ARHGAP42: variants seen among roughly 807,000 people sequenced by gnomAD.
ARHGAP42 encodes Rho GTPase activating protein 42, also known as rho GTPase-activating protein 42.
Under a neutral mutation model 125.0 loss-of-function variants are expected in ARHGAP42, and 63 were observed. That is an observed-to-expected ratio of 0.50 (90% CI 0.41 to 0.62). The LOEUF (loss-of-function observed/expected upper bound fraction) is 0.62, where lower values mean the gene tolerates loss of function less well. Ranked by LOEUF, ARHGAP42 falls within the 20% of genes least tolerant of loss-of-function variation. The pLI, the probability that ARHGAP42 is intolerant of heterozygous loss-of-function variation, is 0.00. For synonymous variants in ARHGAP42, 339 were observed against 351.0 expected (o/e 0.97, Z 0.38); for missense variants, 766 against 1,024.2 (o/e 0.75, Z 3.44).
chr11:100,823,667 C>A (rs545034795), intron 3 of ARHGAP42, among the ~76,000 whole-genome samples: 14 of 152,260 alleles, frequency 9.2e-5, no homozygotes, highest in African/African-American at 3.4e-4. Context: ...TTGAACTAAG[C>A]AACAACCAGC....
rs369287734 is a variant in ARHGAP42, at chr11:100,700,005, T to C, written c.154+12173T>C. ...CAATCTCTGCCTCTGCTGTCACATG[T>C]CATTCTCCCTATGTGTCTCTGTTTA... On this transcript the variant is annotated intron_variant, in intron 1 of 23. Transcript: ENST00000298815. Among the ~76,000 whole-genome samples the C allele has an allele frequency of 5.3e-5, 8 of 152,164 alleles. No homozygotes were observed. In the South Asian group the frequency reaches 1.0e-3, roughly 20 times the overall value.
intron 6 of ARHGAP42, among the ~76,000 whole-genome samples, chr11:100,927,965 A>G (rs968648385): frequency 2.6e-5 from 4 of 152,014 alleles, no homozygotes; most frequent in African/African-American, 9.7e-5. Context: ...CTCATTATTT[A>G]TTTGATTCGA....
chr11:100,978,405 A>G (rs181424381), intron 21 of ARHGAP42, among the ~76,000 whole-genome samples: 2 of 152,232 alleles, frequency 1.3e-5, no homozygotes, highest in East Asian at 3.9e-4. Context: ...GTCATACCTG[A>G]TAGTCTTACC....
At chr11:100,747,486 G>C (rs1324286670) in intron 1 of ARHGAP42, among the ~76,000 whole-genome samples, 1 of 152,128 alleles carries the variant, frequency 6.6e-6, no homozygotes, top group Non-Finnish European at 1.5e-5. Context: ...TTAAAGAGCG[G>C]ATTAGTGCTT....
intron 1 of ARHGAP42, among the ~76,000 whole-genome samples, chr11:100,740,323 C>T (rs888839697): frequency 3.9e-5 from 6 of 151,982 alleles, no homozygotes; most frequent in Non-Finnish European, 8.8e-5. Flanking sequence ...GGAAGAAAAA[C>T]GTATTTGCTG....
At position 100,992,422 on chromosome 11, in the gene ARHGAP42, C is replaced by T. The variant is rs1174845079; in HGVS notation, c.*3621C>T. 1.2e-6 allele frequency: 2 copies of T among 1,612,498 alleles called. No individual in the cohort carries two copies. Among genetic ancestry groups the T allele is most frequent in the African/African-American group, 1.3e-5 (1 of 74,906 alleles). ...TTACTTTCCCCTTGACTAAAGGTTT[C>T]CCCTTAGGGTACACATTGCTATTTA... On this transcript the variant is annotated 3_prime_UTR_variant, in exon 24 of 24. Transcript: ENST00000298815.
At chr11:100,773,816 TTACATTAA>T (rs1198188537) in intron 2 of ARHGAP42, among the ~76,000 whole-genome samples, 5 of 152,182 alleles carry the variant, frequency 3.3e-5, no homozygotes, top group African/African-American at 1.2e-4. Flanking sequence ...GCAATGATTA[TTACATTAA>T]ATTTTAATGC....
At chr11:100,875,947 C>T (rs185963054) in intron 4 of ARHGAP42, among the ~76,000 whole-genome samples, 2 of 152,162 alleles carry the variant, frequency 1.3e-5, no homozygotes, top group East Asian at 1.9e-4. Context: ...TATCTTGTTA[C>T]AAGAGCACAG....
At chr11:100,944,728 G>A (rs768683707) in intron 10 of ARHGAP42, among the ~76,000 whole-genome samples, 43 of 152,008 alleles carry the variant, frequency 2.8e-4, no homozygotes, top group Non-Finnish European at 4.7e-4. Context: ...ATAGCATTAT[G>A]TGTAAAAAAT....
intron 6 of ARHGAP42, among the ~76,000 whole-genome samples, chr11:100,923,619 A>G (rs1369936762): frequency 6.6e-6 from 1 of 152,156 alleles, no homozygotes; most frequent in Non-Finnish European, 1.5e-5. Flanking sequence ...CTGTAAAAAT[A>G]CAGTAGAGAA....
At position 100,725,934 on chromosome 11, in the gene ARHGAP42, CA is replaced by C. The variant is rs57899188; in HGVS notation, c.154+38119del. Among the ~76,000 whole-genome samples the C allele has an allele frequency of 9.5e-4, 94 of 99,254 alleles. 1 individual carries two copies. Among genetic ancestry groups the C allele is most frequent in the South Asian group, 6.1e-3 (16 of 2,610 alleles). 65.1% of individuals were successfully genotyped at this position (99,254 alleles called of 152,430 possible). A position where few individuals can be genotyped will look rare whatever the true frequency, so the allele number is the denominator to read the frequency against. On this transcript the variant is annotated intron_variant, in intron 1 of 23. Coordinates refer to ENST00000298815, the MANE Select transcript of ARHGAP42 (RefSeq NM_152432.4). ...TGGGGGACAGAGTGAGACTCCGTCT[CA>C]AAAAAAAAAAAAAAAAGCCAGGCAT...
chr11:100,934,125 T>A (rs1351818490), intron 7 of ARHGAP42, among the ~76,000 whole-genome samples: 1 of 152,212 alleles, frequency 6.6e-6, no homozygotes, highest in Non-Finnish European at 1.5e-5. Context: ...TTTCTTTATT[T>A]GTGAAATGAA....
rs528137876 is a variant in ARHGAP42, at chr11:100,950,080, T to G, written c.1162+124T>G. 22 of 433,528 alleles carry G rather than the reference T, an allele frequency of 5.1e-5. No individual in the cohort carries two copies. The South Asian group carries it at 1.7e-3, about 33-fold the overall frequency. The allele number at this position is 433,528 out of a possible 1,614,324, so 26.9% of individuals were successfully genotyped here. ...CCATTGATCTCATGGTACAGCAACT[T>G]TGAAATTTTTATTTAAAATGTTTCT... On this transcript the variant is annotated intron_variant, in intron 12 of 23. Coordinates refer to ENST00000298815, the MANE Select transcript of ARHGAP42 (RefSeq NM_152432.4).
At chr11:100,973,391 A>AT (rs1858305643) in intron 18 of ARHGAP42, 57 bp downstream of exon 18, 2 of 1,511,720 alleles carry the variant, frequency 1.3e-6, no homozygotes, top group South Asian at 2.5e-5. Flanking sequence ...TTATAAAGGA[A>AT]TTTTGCATTT....
rs149797384 is a variant in ARHGAP42 at position 100,741,083 on chromosome 11, T to G, written c.155-29260T>G. Among the ~76,000 whole-genome samples, 672 of 152,234 alleles carry G rather than the reference T, an allele frequency of 4.4e-3. 1 individual carries two copies. The highest frequency in any genetic ancestry group is 0.017 in the Middle Eastern group (5 of 294). On this transcript the variant is annotated intron_variant, in intron 1 of 23. Coordinates refer to ENST00000298815, the MANE Select transcript of ARHGAP42 (RefSeq NM_152432.4). ...TCTCACGCTGTCTCCAAGGCTGGAG[T>G]GCAGTGGCAAGATCTCAGCTCACTT...
At chr11:100,867,295 G>A (rs771743598) in intron 4 of ARHGAP42, among the ~76,000 whole-genome samples, 5 of 152,212 alleles carry the variant, frequency 3.3e-5, no homozygotes, top group Non-Finnish European at 5.9e-5. Context: ...GTCCTGGATG[G>A]CATCTTCTTC....
rs1221918063 is a variant in ARHGAP42, at chr11:100,988,752, A to G, written c.2576A>G (p.Tyr859Cys). Reference protein sequence around the residue: ...SVEPGWLKATYEGKTGLVPEN... With the variant: ...SVEPGWLKATCEGKTGLVPEN... The stretch of plus-strand genomic sequence containing the variant: ...GAACCAGGATGGTTAAAGGCAACTT[A>G]TGAAGGCAAAACAGGACTAGTTCCA... Residue 859 changes from tyrosine (Y) to cysteine (C), a missense_variant, in exon 24 of 24, where the codon TAT becomes TGT. Tyr to Cys is a radical substitution (Grantham distance 194). Around this residue, in one of 3 missense-constraint regions of ARHGAP42, gnomAD observed 308 missense variants for 369.7 expected, o/e 0.83. Coordinates refer to ENST00000298815, the MANE Select transcript of ARHGAP42 (RefSeq NM_152432.4). 2 of 1,550,656 alleles carry G rather than the reference A, an allele frequency of 1.3e-6. No homozygotes were observed. The highest frequency in any genetic ancestry group is 1.2e-5 in the South Asian group (1 of 84,004).
At chr11:100,817,262 G>T (rs1394322038) in intron 3 of ARHGAP42, among the ~76,000 whole-genome samples, 1 of 152,130 alleles carries the variant, frequency 6.6e-6, no homozygotes, top group Non-Finnish European at 1.5e-5. Context: ...CTCCCTAGTT[G>T]TGACAACCCA....
chr11:100,754,640 C>T (rs545675002), intron 1 of ARHGAP42, among the ~76,000 whole-genome samples: 1 of 152,214 alleles, frequency 6.6e-6, no homozygotes. Context: ...AAAAAGAATG[C>T]TGTTTTTGTT....
Sources: gnomAD v4.1 joint callset for allele counts (sites outside exome capture counted in the v4.1 genomes callset) on GRCh38, gnomAD v4.1.1 for gene constraint, gnomAD v4.1.1 regional missense constraint, MANE v1.5 for transcripts, NCBI Gene and HGNC (gene_info 2026-07-23, HGNC 2026-07-21) for gene names.